The following ADGRL2 variants were observed in gnomAD, a reference collection of about 807,000 sequenced individuals.
The protein encoded by ADGRL2 is calcium-independent alpha-latrotoxin receptor 2.
Under a neutral mutation model 157.4 loss-of-function variants are expected in ADGRL2, and 44 were observed. The observed-to-expected ratio is 0.28, with a 90% CI of 0.22 to 0.36. The LOEUF (loss-of-function observed/expected upper bound fraction) is 0.36, where lower values mean the gene tolerates loss of function less well. ADGRL2 is among the 10% of genes least tolerant of loss of function. ADGRL2 has a pLI of 1.00. For synonymous variants in ADGRL2, 585 were observed against 624.7 expected, an observed-to-expected ratio of 0.94 and a Z score of 0.95; for missense variants, 1,510 against 1,768.9, an observed-to-expected ratio of 0.85 and a Z score of 2.63.
chr1:81,726,651 G>A (rs1322565141), intron 1 of ADGRL2, among the ~76,000 whole-genome samples: 1 of 152,182 alleles, frequency 6.6e-6, no homozygotes, highest in Non-Finnish European at 1.5e-5. Context: ...AAATATAGAT[G>A]CCAAGGGGTA....
At chr1:81,466,658 A>ATC (rs71641269) in intron 2 of ADGRL2, among the ~76,000 whole-genome samples, 2 of 117,904 alleles carry the variant, frequency 1.7e-5, no homozygotes, top group Non-Finnish European at 3.6e-5. Flanking sequence ...GACATATAAC[A>ATC]TCTCTCTCTC....
chr1:81,656,929 G>C (rs530011483), intron 3 of ADGRL2, among the ~76,000 whole-genome samples: 1 of 150,648 alleles, frequency 6.6e-6, no homozygotes, highest in African/African-American at 2.4e-5. Flanking sequence ...AGGATCACCT[G>C]AGCCTGGGAG....
intron 2 of ADGRL2, among the ~76,000 whole-genome samples, chr1:81,574,848 G>C (rs17106720): frequency 0.06 from 9,130 of 152,196 alleles, 375 homozygotes; most frequent in African/African-American, 0.11. Context: ...GCCATTTAGC[G>C]AAGAAAACAA....
chr1:81,958,562 A>G (rs1159257421), intron 11 of ADGRL2, among the ~76,000 whole-genome samples: 2 of 152,200 alleles, frequency 1.3e-5, no homozygotes, highest in African/African-American at 2.4e-5. Context: ...ATTTACCCTT[A>G]ATAATACATG....
chr1:81,946,001 G>A (rs1254777680), intron 6 of ADGRL2, among the ~76,000 whole-genome samples: 1 of 152,026 alleles, frequency 6.6e-6, no homozygotes, highest in Non-Finnish European at 1.5e-5. Context: ...ACAAATTTAG[G>A]TCAAACCAAT....
intron 3 of ADGRL2, among the ~76,000 whole-genome samples, chr1:81,911,840 A>T (rs1225087082): frequency 6.6e-6 from 1 of 151,216 alleles, no homozygotes; most frequent in African/African-American, 2.4e-5. Flanking sequence ...TATTGTAGTA[A>T]GGTGTATTTT....
At chr1:81,572,191 T>A (rs2148501501) in intron 2 of ADGRL2, among the ~76,000 whole-genome samples, 1 of 152,348 alleles carries the variant, frequency 6.6e-6, no homozygotes, top group Non-Finnish European at 1.5e-5. Flanking sequence ...TTCCATTTAG[T>A]CATTCTCACT....
intron 3 of ADGRL2, 78 bp from the exon 4 acceptor site, chr1:81,936,650 A>G (rs2095314560): frequency 2.5e-6 from 2 of 804,680 alleles, no homozygotes; most frequent in South Asian, 4.5e-5. Context: ...AGAAAATGAG[A>G]AAAACTTCTA....
intron 1 of ADGRL2, among the ~76,000 whole-genome samples, chr1:81,738,142 T>A (rs72715757): frequency 0.019 from 2,933 of 152,304 alleles, 42 homozygotes; most frequent in South Asian, 0.052. Flanking sequence ...TGATTATGTC[T>A]TCATGGTGCC....
upstream of ADGRL2, among the ~76,000 whole-genome samples, chr1:81,800,771 G>C (rs2087925771): frequency 6.6e-6 from 1 of 151,180 alleles, no homozygotes. Flanking sequence ...AGTGAGTGGA[G>C]TTTGGGGGTG....
chr1:81,386,367 C>T (rs992460641), intron 1 of ADGRL2, among the ~76,000 whole-genome samples: 1 of 152,142 alleles, frequency 6.6e-6, no homozygotes, highest in African/African-American at 2.4e-5. Context: ...GTTTTATTCG[C>T]TAGCCTCCAT....
chr1:81,345,762 A>G (rs1344006991), intron 1 of ADGRL2, among the ~76,000 whole-genome samples: 1 of 152,176 alleles, frequency 6.6e-6, no homozygotes, highest in African/African-American at 2.4e-5. Context: ...GGAAGAAACT[A>G]TATGTAAAAA....
intron 1 of ADGRL2, among the ~76,000 whole-genome samples, chr1:81,741,751 A>T (rs1346310653): frequency 1.3e-5 from 2 of 151,998 alleles, no homozygotes; most frequent in East Asian, 3.8e-4. Context: ...AATATCTTTG[A>T]TGTCAGAGCC....
chr1:81,333,588 T>C (rs1479769741), intron 1 of ADGRL2, among the ~76,000 whole-genome samples: 1 of 151,930 alleles, frequency 6.6e-6, no homozygotes, highest in African/African-American at 2.4e-5. Context: ...GATAATTTTT[T>C]GTATTTTTAG....
At chr1:81,381,176 A>C (rs2101048767) in intron 1 of ADGRL2, among the ~76,000 whole-genome samples, 1 of 152,218 alleles carries the variant, frequency 6.6e-6, no homozygotes, top group Admixed American at 6.5e-5. Flanking sequence ...CTAGCTTTAT[A>C]TTAAATATAA....
chr1:81,963,616 G>A (rs1006397882), intron 11 of ADGRL2, among the ~76,000 whole-genome samples: 7 of 151,696 alleles, frequency 4.6e-5, no homozygotes, highest in South Asian at 2.1e-4. Flanking sequence ...ACATTAAGTG[G>A]ATGTTGAAAT....
intron 3 of ADGRL2, among the ~76,000 whole-genome samples, chr1:81,622,921 G>C (rs1465044138): frequency 6.6e-6 from 1 of 152,212 alleles, no homozygotes; most frequent in African/African-American, 2.4e-5. Context: ...GAAAGGGACA[G>C]AATTTGAAGC....
chr1:81,861,014 C>CTTTTTT (rs36062412), intron 2 of ADGRL2, among the ~76,000 whole-genome samples: 1 of 118,488 alleles, frequency 8.4e-6, no homozygotes, highest in Non-Finnish European at 1.7e-5. Flanking sequence ...ATTTCACTGA[C>CTTTTTT]TTTTTTTTTT....
chr1:81,449,380 G>A (rs2077663631), intron 2 of ADGRL2, among the ~76,000 whole-genome samples: 1 of 152,116 alleles, frequency 6.6e-6, no homozygotes, highest in Non-Finnish European at 1.5e-5. Context: ...GAAGGGGTCG[G>A]GTAATTCATT....
Sources: allele counts gnomAD v4.1 joint callset (sites outside exome capture counted in the v4.1 genomes callset), GRCh38; gene constraint gnomAD v4.1.1; transcripts MANE v1.5; gene names NCBI Gene and HGNC (gene_info 2026-07-23, HGNC 2026-07-21).